NEGR1: variants seen among roughly 807,000 people sequenced by gnomAD.
The protein encoded by NEGR1 is IgLON family member 4.
NEGR1 carries 10 observed loss-of-function variants against 40.9 expected under a neutral mutation model. The ratio of observed to expected loss-of-function variants is 0.24; its 90% CI spans 0.15 to 0.42. The LOEUF (loss-of-function observed/expected upper bound fraction) is 0.42, where lower values mean the gene tolerates loss of function less well. Ranked by LOEUF, NEGR1 falls within the 10% of genes least tolerant of loss-of-function variation. NEGR1 has a pLI of 1.00. For missense variants in NEGR1, 352 were observed against 438.9 expected (o/e 0.80, Z 1.77); for synonymous variants, 185 against 166.8 (o/e 1.11, Z -0.84).
intron 1 of NEGR1, among the ~76,000 whole-genome samples, chr1:71,966,739 G>A (rs1186493037): frequency 6.6e-6 from 1 of 152,082 alleles, no homozygotes; most frequent in East Asian, 1.9e-4. Flanking sequence ...CACATCAGCA[G>A]GCAAGTCAAA....
intron 1 of NEGR1, among the ~76,000 whole-genome samples, chr1:72,245,841 A>G (rs1459392486): frequency 6.6e-6 from 1 of 152,170 alleles, no homozygotes; most frequent in Non-Finnish European, 1.5e-5. Context: ...ACATGCTTCA[A>G]AAATTGTTTT....
At chr1:71,620,711 C>T (rs186266263) in intron 4 of NEGR1, among the ~76,000 whole-genome samples, 1 of 152,012 alleles carries the variant, frequency 6.6e-6, no homozygotes, top group East Asian at 1.9e-4. Flanking sequence ...GAGACTTTCA[C>T]ATTGAATTAA....
At chr1:71,899,696 A>C (rs1343672253) in intron 2 of NEGR1, among the ~76,000 whole-genome samples, 1 of 152,142 alleles carries the variant, frequency 6.6e-6, no homozygotes, top group Non-Finnish European at 1.5e-5. Flanking sequence ...AATTTCTTTA[A>C]TCAAAAGTCT....
chr1:71,552,778 A>G (rs1224334792), intron 6 of NEGR1, among the ~76,000 whole-genome samples: 1 of 151,320 alleles, frequency 6.6e-6, no homozygotes, highest in Admixed American at 6.6e-5. Flanking sequence ...TTACTGCTTT[A>G]ACTACTGCCC....
intron 4 of NEGR1, among the ~76,000 whole-genome samples, chr1:71,623,839 C>A (rs1650684690): frequency 6.6e-6 from 1 of 151,782 alleles, no homozygotes; most frequent in Admixed American, 6.6e-5. Context: ...AATGATTAAA[C>A]AACATGGTAT....
At chr1:72,275,750 G>GT (rs1234411116) in intron 1 of NEGR1, among the ~76,000 whole-genome samples, 1 of 152,064 alleles carries the variant, frequency 6.6e-6, no homozygotes, top group African/African-American at 2.4e-5. Flanking sequence ...ACAAACATAA[G>GT]TGTCTTTTAG....
At chr1:72,260,770 A>C (rs1308079449) in intron 1 of NEGR1, among the ~76,000 whole-genome samples, 1 of 152,138 alleles carries the variant, frequency 6.6e-6, no homozygotes, top group Non-Finnish European at 1.5e-5. Flanking sequence ...CACTTGATTC[A>C]GTATTTCATC....
At chr1:71,610,782 G>A (rs1382411424) in intron 5 of NEGR1, among the ~76,000 whole-genome samples, 1 of 152,088 alleles carries the variant, frequency 6.6e-6, no homozygotes, top group East Asian at 1.9e-4. Flanking sequence ...GGGAAGAAAT[G>A]AAATGCATCA....
At chr1:72,019,252 A>C (rs1646736791) in intron 1 of NEGR1, among the ~76,000 whole-genome samples, 1 of 152,310 alleles carries the variant, frequency 6.6e-6, no homozygotes, top group Admixed American at 6.5e-5. Context: ...ATAGTATGGT[A>C]AAATAGTCTA....
intron 4 of NEGR1, among the ~76,000 whole-genome samples, chr1:71,621,386 G>C (rs1650603642): frequency 6.6e-6 from 1 of 151,776 alleles, no homozygotes. Flanking sequence ...AGGAAAATAT[G>C]CAACTGTGGT....
At chr1:72,165,706 C>A (rs548526108) in intron 1 of NEGR1, among the ~76,000 whole-genome samples, 72 of 151,970 alleles carry the variant, frequency 4.7e-4, no homozygotes, top group Non-Finnish European at 7.8e-4. Flanking sequence ...CCATTCTCGG[C>A]ATCTAAATAC....
At chr1:71,672,614 G>A (rs1247834714) in intron 4 of NEGR1, among the ~76,000 whole-genome samples, 1 of 151,990 alleles carries the variant, frequency 6.6e-6, no homozygotes, top group Admixed American at 6.6e-5. Context: ...CTTAAAATGG[G>A]GATATGATCT....
At chr1:72,138,151 G>A (rs1311759089) in intron 1 of NEGR1, among the ~76,000 whole-genome samples, 1 of 151,922 alleles carries the variant, frequency 6.6e-6, no homozygotes, top group African/African-American at 2.4e-5. Context: ...TAACATGATG[G>A]AGTATATGTA....
chr1:71,714,372 C>G (rs1483539658), intron 3 of NEGR1, among the ~76,000 whole-genome samples: 2 of 152,142 alleles, frequency 1.3e-5, no homozygotes, highest in Non-Finnish European at 2.9e-5. Context: ...TTGGCCCCTC[C>G]CAAATCTCAT....
chr1:71,679,294 T>C (rs1015001137), intron 4 of NEGR1, among the ~76,000 whole-genome samples: 14 of 152,214 alleles, frequency 9.2e-5, no homozygotes, highest in African/African-American at 2.9e-4. Context: ...AAATTTTGAA[T>C]GAAATTGTAT....
intron 1 of NEGR1, among the ~76,000 whole-genome samples, chr1:72,176,043 A>C (rs1305039168): frequency 6.6e-6 from 1 of 152,132 alleles, no homozygotes; most frequent in Non-Finnish European, 1.5e-5. Flanking sequence ...CTCTTTTATG[A>C]AGACTTTCTC....
chr1:71,726,651 G>A (rs1164261469), intron 3 of NEGR1, among the ~76,000 whole-genome samples: 1 of 152,006 alleles, frequency 6.6e-6, no homozygotes. Flanking sequence ...CAGAAAGATT[G>A]AGGCTTCTTC....
At chr1:71,700,044 T>G (rs1281406277) in intron 3 of NEGR1, among the ~76,000 whole-genome samples, 2 of 151,942 alleles carry the variant, frequency 1.3e-5, no homozygotes, top group East Asian at 3.9e-4. Flanking sequence ...GAAAGCGAAC[T>G]AATACAACAA....
chr1:71,407,332 CCA>C lies in NEGR1; in HGVS notation c.*112_*113del, dbSNP rs1646284653. ...GCAATTCTACAGAAGGCGATCATCC[CCA>C]TGTAAGCACTGCTGATTATATCCCA... On this transcript the variant is annotated 3_prime_UTR_variant, in exon 7 of 7. Transcript: ENST00000357731. The C allele has an allele frequency of 1.2e-6, 1 of 848,806 alleles. No individual in the cohort carries two copies. Among genetic ancestry groups the C allele is most frequent in the East Asian group, 2.5e-5 (1 of 39,368 alleles). 52.6% of individuals were successfully genotyped at this position (848,806 alleles called of 1,614,324 possible). A position where few individuals can be genotyped will look rare whatever the true frequency, so the allele number is the denominator to read the frequency against.
Sources: gnomAD v4.1 joint callset for allele counts (sites outside exome capture counted in the v4.1 genomes callset) on GRCh38, gnomAD v4.1.1 for gene constraint, MANE v1.5 for transcripts, NCBI Gene and HGNC (gene_info 2026-07-23, HGNC 2026-07-21) for gene names.